DOCK3: variants seen among roughly 807,000 people sequenced by gnomAD.
DOCK3 encodes the protein dedicator of cytokinesis 3, also known as dedicator of cytokinesis protein 3.
Under a neutral mutation model 265.6 loss-of-function variants are expected in DOCK3, and 60 were observed. The observed-to-expected ratio is 0.23, with a 90% confidence interval of 0.18 to 0.28. The LOEUF is 0.28. DOCK3 is among the 10% of genes least tolerant of loss of function. The pLI is 1.00. For synonymous variants in DOCK3, 881 were observed against 938.0 expected, an observed-to-expected ratio of 0.94 and a Z score of 1.11; for missense variants, 1,981 against 2,594.3, an observed-to-expected ratio of 0.76 and a Z score of 5.14.
intron 2 of DOCK3, among the ~76,000 whole-genome samples, chr3:50,830,524 G>C (rs922175617): frequency 6.6e-6 from 1 of 152,168 alleles, no homozygotes; most frequent in African/African-American, 2.4e-5. Flanking sequence ...TATCAAAGGG[G>C]TATTTTTTTG....
At chr3:50,861,525 T>C (rs1357398345) in intron 3 of DOCK3, among the ~76,000 whole-genome samples, 1 of 152,212 alleles carries the variant, frequency 6.6e-6, no homozygotes. Flanking sequence ...TCTGTGGGTA[T>C]TGAAATTCTC....
At chr3:50,743,555 T>TA (rs2039219258) in intron 1 of DOCK3, among the ~76,000 whole-genome samples, 1 of 151,238 alleles carries the variant, frequency 6.6e-6, no homozygotes, top group South Asian at 2.1e-4. Context: ...TAGTCTCTGA[T>TA]AAAACAGACT....
In DOCK3 at chr3:50,793,358, CTT is replaced by C. The variant is rs568370017; in HGVS notation, c.121+14616_121+14617del. ...TTTTATTAATTTTCTTTTTCTTTTTCTTTTTTTTTTTTTTTTTGAGGCAGAGT... is the reference window on the plus strand; with the variant it reads ...TTTTATTAATTTTCTTTTTCTTTTTCTTTTTTTTTTTTTTTGAGGCAGAGT... On this transcript the variant is annotated intron_variant, in intron 2 of 52. Coordinates refer to ENST00000266037, the MANE Select transcript of DOCK3 (RefSeq NM_004947.5). Among the ~76,000 whole-genome samples the C allele has an allele frequency of 7.2e-3, 940 of 130,742 alleles. 3 individuals carry two copies. The highest frequency in any genetic ancestry group is 0.011 in the Non-Finnish European group (699 of 61,084). The allele number at this position is 130,742 out of a possible 152,430, so 85.8% of individuals were successfully genotyped here.
At chr3:50,827,436 C>G (rs576006827) in intron 2 of DOCK3, among the ~76,000 whole-genome samples, 7 of 152,260 alleles carry the variant, frequency 4.6e-5, no homozygotes, top group South Asian at 4.1e-4. Flanking sequence ...AGCGAGATCT[C>G]TGGGGTCTCT....
chr3:50,891,957 C>G (rs1337562089), intron 4 of DOCK3, among the ~76,000 whole-genome samples: 1 of 151,970 alleles, frequency 6.6e-6, no homozygotes, highest in Non-Finnish European at 1.5e-5. Context: ...TGTGGCTGTA[C>G]ATAAAATTAC....
chr3:50,774,452 A>G (rs2041470422), intron 1 of DOCK3, among the ~76,000 whole-genome samples: 1 of 151,886 alleles, frequency 6.6e-6, no homozygotes, highest in Non-Finnish European at 1.5e-5. Context: ...TTCCAGTTAC[A>G]TGGCATTTTT....
chr3:50,770,475 C>A (rs2041203814), intron 1 of DOCK3, among the ~76,000 whole-genome samples: 1 of 151,734 alleles, frequency 6.6e-6, no homozygotes, highest in Non-Finnish European at 1.5e-5. Flanking sequence ...AATCCGTGTT[C>A]ATTGATTGGA....
At chr3:51,097,909 A>G (rs1403086005) in intron 9 of DOCK3, among the ~76,000 whole-genome samples, 2 of 152,092 alleles carry the variant, frequency 1.3e-5, no homozygotes, top group Non-Finnish European at 2.9e-5. Context: ...CCAATGCCCA[A>G]CCCTGCTTCA....
intron 9 of DOCK3, among the ~76,000 whole-genome samples, chr3:51,111,226 A>T (rs541380823): frequency 3.4e-3 from 524 of 152,248 alleles, no homozygotes; most frequent in Non-Finnish European, 5.6e-3. Flanking sequence ...GGATAGGAAG[A>T]ATCAGTATTG....
chr3:51,033,227 T>C (rs1376945930), intron 5 of DOCK3, among the ~76,000 whole-genome samples: 1 of 152,216 alleles, frequency 6.6e-6, no homozygotes, highest in Admixed American at 6.5e-5. Context: ...AGAAGGACTC[T>C]GGTGAAACTT....
intron 4 of DOCK3, among the ~76,000 whole-genome samples, chr3:50,900,262 C>T (rs1346884890): frequency 6.6e-6 from 1 of 151,958 alleles, no homozygotes; most frequent in Non-Finnish European, 1.5e-5. Context: ...TCCACTTGAT[C>T]GGTTCGGCTA....
At chr3:50,794,256 T>A (rs1333519444) in intron 2 of DOCK3, among the ~76,000 whole-genome samples, 1 of 152,216 alleles carries the variant, frequency 6.6e-6, no homozygotes, top group Non-Finnish European at 1.5e-5. Context: ...ATCCATTTGA[T>A]CCAGTGCTGA....
chr3:51,038,062 C>T (rs1410081358), intron 5 of DOCK3, among the ~76,000 whole-genome samples: 2 of 152,170 alleles, frequency 1.3e-5, no homozygotes, highest in Non-Finnish European at 2.9e-5. Flanking sequence ...AAATTGCTGG[C>T]TAAGCTGTAC....
At chr3:51,368,290 A>C (rs1242367673) in intron 49 of DOCK3, among the ~76,000 whole-genome samples, 1 of 152,204 alleles carries the variant, frequency 6.6e-6, no homozygotes, top group Non-Finnish European at 1.5e-5. Flanking sequence ...GGGGTCGGGG[A>C]GTTACCTTTC....
At chr3:51,159,722 C>A (rs999298320) in intron 11 of DOCK3, among the ~76,000 whole-genome samples, 4 of 152,166 alleles carry the variant, frequency 2.6e-5, no homozygotes, top group Non-Finnish European at 5.9e-5. Flanking sequence ...CTGTGGCTCT[C>A]TCCACAAAAT....
intron 27 of DOCK3, among the ~76,000 whole-genome samples, chr3:51,304,958 G>A (rs2082571380): frequency 6.6e-6 from 1 of 152,080 alleles, no homozygotes; most frequent in Admixed American, 6.5e-5. Context: ...ACTTTCTTAT[G>A]GCCTAACATA....
At chr3:51,241,370 A>G (rs546636624) in intron 21 of DOCK3, among the ~76,000 whole-genome samples, 3 of 151,906 alleles carry the variant, frequency 2.0e-5, no homozygotes, top group South Asian at 4.2e-4. Context: ...TTTCATTTTG[A>G]CCTTGGAGAA....
At chr3:50,930,554 C>T (rs113002958) in intron 4 of DOCK3, among the ~76,000 whole-genome samples, 15 of 152,328 alleles carry the variant, frequency 9.8e-5, no homozygotes, top group African/African-American at 3.4e-4. Flanking sequence ...AGCCCAGGTC[C>T]TTGCTGGGCC....
At chr3:51,019,217 C>G (rs2108861935) in intron 5 of DOCK3, among the ~76,000 whole-genome samples, 1 of 151,994 alleles carries the variant, frequency 6.6e-6, no homozygotes. Flanking sequence ...AAATTCATGA[C>G]TGGATTACCA....
Sources: gnomAD v4.1 joint callset for allele counts (sites outside exome capture counted in the v4.1 genomes callset) on GRCh38, gnomAD v4.1.1 for gene constraint, MANE v1.5 for transcripts, NCBI Gene and HGNC (gene_info 2026-07-23, HGNC 2026-07-21) for gene names.